The following TPTE2 variants were observed in gnomAD, a reference collection of about 807,000 sequenced individuals.
The protein encoded by TPTE2 is transmembrane phosphoinositide 3-phosphatase and tensin homolog 2.
TPTE2 carries 53 observed loss-of-function variants against 78.6 expected under a neutral mutation model. That is an observed-to-expected ratio of 0.67 (90% confidence interval 0.54 to 0.85). TPTE2 has a LOEUF of 0.85. Among genes scored for constraint, TPTE2 ranks in the 40% least tolerant of loss-of-function variants. The pLI, the probability that TPTE2 is intolerant of heterozygous loss-of-function variation, is 0.00. For missense variants in TPTE2, 461 were observed against 623.0 expected (o/e 0.74, Z 2.77); for synonymous variants, 175 against 206.2 (o/e 0.85, Z 1.30).
At chr13:19,466,637 C>T (rs560532847) in intron 7 of TPTE2, among the ~76,000 whole-genome samples, 6 of 152,320 alleles carry the variant, frequency 3.9e-5, no homozygotes, top group African/African-American at 1.4e-4. Flanking sequence ...TACTGCAAAA[C>T]TCTACTATTG....
At chr13:19,519,429 T>G (rs1238578181) in intron 1 of TPTE2, among the ~76,000 whole-genome samples, 1 of 152,184 alleles carries the variant, frequency 6.6e-6, no homozygotes, top group Non-Finnish European at 1.5e-5. Context: ...CATTTAGATA[T>G]TTCTTCCATT....
chr13:19,529,930 C>T (rs1870761038), intron 1 of TPTE2, among the ~76,000 whole-genome samples: 1 of 152,194 alleles, frequency 6.6e-6, no homozygotes, highest in Admixed American at 6.5e-5. Context: ...AAAAGCCCTA[C>T]TGAAGTAGCC....
At chr13:19,438,124 G>C in exon 14 of TPTE2, 1 of 1,609,600 alleles carries the variant, frequency 6.2e-7, no homozygotes, top group Non-Finnish European at 8.5e-7. Context: ...GAGGCAATAA[G>C]GAGGGCACAA....
At chr13:19,504,407 G>A (rs1239878936), upstream of TPTE2, among the ~76,000 whole-genome samples, 3 of 152,046 alleles carry the variant, frequency 2.0e-5, no homozygotes, top group Non-Finnish European at 4.4e-5. Flanking sequence ...CCCATACAAT[G>A]TGATGATGGG....
At chr13:19,427,069 CTTTTCTTTTCTTTTTTTTT>C (rs1266741954) in intron 17 of TPTE2, among the ~76,000 whole-genome samples, 5 of 72,998 alleles carry the variant, frequency 6.8e-5, no homozygotes, top group African/African-American at 2.6e-4. Flanking sequence ...CTTTTTTTTT[CTTTTCTTTTCTTTTTTTTT>C]TTTTTTTTTT....
the TPTE2 span, among the ~76,000 whole-genome samples, chr13:19,546,352 G>C: frequency 1.2e-4 from 18 of 152,192 alleles, no homozygotes; most frequent in South Asian, 3.7e-3. Context: ...GCCTTCAAGA[G>C]AGTGGAACTG....
rs182489007 is a variant in TPTE2, at chr13:19,515,607, T to C, written c.-43-12330A>G. On this transcript the variant is annotated intron_variant, in intron 1 of 17. Transcript: ENST00000390680. The stretch of plus-strand genomic sequence containing the variant: ...ATGTCCTTGAATGGCTCCTGGAAAT[T>C]CATCCAGGTCTCAGGAAAAACAATA... Among the ~76,000 whole-genome samples the C allele has an allele frequency of 7.9e-5, 12 of 152,282 alleles. No homozygotes were observed. In the East Asian group the frequency reaches 2.1e-3, roughly 27 times the overall value.
intron 1 of TPTE2, among the ~76,000 whole-genome samples, chr13:19,512,900 C>G (rs1473783638): frequency 6.6e-6 from 1 of 152,132 alleles, no homozygotes; most frequent in Non-Finnish European, 1.5e-5. Flanking sequence ...GACAAACACA[C>G]CAGCATTTCC....
intron 14 of TPTE2, among the ~76,000 whole-genome samples, chr13:19,437,640 G>A (rs950588047): frequency 2.0e-5 from 3 of 152,080 alleles, no homozygotes; most frequent in Admixed American, 1.3e-4. Flanking sequence ...ATAAGAGCAG[G>A]GCCAGGTGAA....
chr13:19,554,485 TTA>T, the TPTE2 span, among the ~76,000 whole-genome samples: 4 of 151,464 alleles, frequency 2.6e-5, no homozygotes, highest in Non-Finnish European at 2.9e-5. Context: ...GTATCCCATT[TTA>T]TATATATATA....
At chr13:19,426,623 C>T in intron 17 of TPTE2, 106 bp from the exon 21 acceptor site, 1 of 658,428 alleles carries the variant, frequency 1.5e-6, no homozygotes, top group East Asian at 2.7e-5. Flanking sequence ...CTTTTGCTCT[C>T]ACAGCCCAAT....
intron 1 of TPTE2, among the ~76,000 whole-genome samples, chr13:19,511,848 AC>A (rs1446738408): frequency 2.1e-5 from 3 of 145,698 alleles, no homozygotes; most frequent in Non-Finnish European, 4.6e-5. Context: ...ACACAGAAAA[AC>A]CACTTTTTTT....
chr13:19,444,035 A>C (rs1244481638), intron 13 of TPTE2, among the ~76,000 whole-genome samples: 3 of 152,168 alleles, frequency 2.0e-5, no homozygotes. Flanking sequence ...ACGGTGGCTC[A>C]GACCTGCAGT....
At chr13:19,479,542 A>T (rs1376795138) in intron 4 of TPTE2, among the ~76,000 whole-genome samples, 4 of 152,200 alleles carry the variant, frequency 2.6e-5, no homozygotes, top group Non-Finnish European at 4.4e-5. Context: ...AAATAAAACC[A>T]AACATACCAG....
chr13:19,556,922 C>T, the TPTE2 span, among the ~76,000 whole-genome samples: 149 of 29,426 alleles, frequency 5.1e-3, 1 homozygote, highest in Middle Eastern at 0.053. Context: ...AATTTAATGT[C>T]AAGCAAGAGG....
At chr13:19,446,392 C>T (rs1364109304) in intron 13 of TPTE2, among the ~76,000 whole-genome samples, 2 of 151,978 alleles carry the variant, frequency 1.3e-5, no homozygotes, top group Non-Finnish European at 2.9e-5. Context: ...CTGAGAGGGA[C>T]TACAAATTAA....
intron 1 of TPTE2, among the ~76,000 whole-genome samples, chr13:19,532,046 C>G (rs1439847351): frequency 6.6e-6 from 1 of 152,112 alleles, no homozygotes; most frequent in African/African-American, 2.4e-5. Flanking sequence ...CAAAATGCTA[C>G]TTTTATTATG....
At chr13:19,457,907 A>T (rs1168047383) in intron 10 of TPTE2, among the ~76,000 whole-genome samples, 2 of 152,234 alleles carry the variant, frequency 1.3e-5, no homozygotes, top group African/African-American at 4.8e-5. Flanking sequence ...AATACAAAGA[A>T]GACATTGCTA....
chr13:19,543,115 T>C, the TPTE2 span, among the ~76,000 whole-genome samples: 1 of 152,008 alleles, frequency 6.6e-6, no homozygotes, highest in African/African-American at 2.4e-5. Flanking sequence ...TGGAGTGCAG[T>C]GGCGTGATCT....
Sources: allele counts gnomAD v4.1 joint callset (sites outside exome capture counted in the v4.1 genomes callset), GRCh38; gene constraint gnomAD v4.1.1; transcripts MANE v1.5; gene names NCBI Gene and HGNC (gene_info 2026-07-23, HGNC 2026-07-21).